NDST2: variants seen among roughly 807,000 people sequenced by gnomAD.
NDST2 encodes the protein N-deacetylase and N-sulfotransferase 2.
NDST2 carries 32 observed loss-of-function variants against 86.9 expected under a neutral mutation model. The observed-to-expected ratio is 0.37, with a 90% CI of 0.28 to 0.49. NDST2 has a LOEUF of 0.49. NDST2 is among the 20% of genes least tolerant of loss of function. The pLI is 0.97. For missense variants in NDST2, 950 were observed against 1,146.9 expected (o/e 0.83, Z 2.48); for synonymous variants, 409 against 437.0 (o/e 0.94, Z 0.80).
chr10:73,807,414 T>A lies in NDST2; in HGVS notation c.975A>T (p.Glu325Asp). The change falls in exon 3 of 15, where the codon GAA becomes GAT. Residue 325 changes from glutamate to aspartate, a missense_variant. Glu to Asp is a conservative substitution (Grantham distance 45). Around this residue, in one of 5 missense-constraint regions of NDST2, gnomAD observed 586 missense variants for 714.0 expected, o/e 0.82. Transcript: ENST00000309979. ...VDIDDIFVGK[E>D]GTRMKVADVE... is the part of the protein sequence containing the mutation. ...CATCAGCCACCTTCATGCGGGTCCC[T>A]TCCTTGCCCACAAAGATGTCATCGA... 6.2e-7 allele frequency: 1 copy of A among 1,614,214 alleles called. No homozygotes were observed. The highest frequency in any genetic ancestry group is 8.5e-7 in the Non-Finnish European group (1 of 1,180,034).
Position 73,803,556 on chromosome 10 carries a change from C to T in NDST2, c.2142+18G>A. 7.8e-7 allele frequency: 1 copy of T among 1,282,698 alleles called. No individual in the cohort carries two copies. The highest frequency in any genetic ancestry group is 1.1e-6 in the Non-Finnish European group (1 of 943,018). 79.5% of individuals were successfully genotyped at this position (1,282,698 alleles called of 1,614,324 possible). On this transcript the variant is annotated intron_variant, in intron 11 of 14. Transcript: ENST00000309979. ...TCCCCCCAACCTTTAGCCTGTGTGT[C>T]CCTAGCTTCAGGCAGACCTGGTACC...
At chr10:73,811,075 G>C (rs2084218356) in intron 1 of NDST2, among the ~76,000 whole-genome samples, 172 bp from the exon 2 acceptor site, 1 of 152,020 alleles carries the variant, frequency 6.6e-6, no homozygotes, top group African/African-American at 2.4e-5. Flanking sequence ...GGCCGGGACG[G>C]CCGGAGCAGC....
Position 73,807,786 on chromosome 10 carries a change from TTGG to T in NDST2, c.600_602del (p.Tyr200_Gln201delinsTer). 2 of 1,614,166 alleles carry T rather than the reference TTGG, an allele frequency of 1.2e-6. No homozygotes were observed. The highest frequency in any genetic ancestry group is 1.7e-6 in the Non-Finnish European group (2 of 1,180,022). ...GCAGTAGCGGGGCAGAAGGATTCAC[TTGG>T]TAGTCCCGGAGCCCCAAGTTTGAGT... On this transcript the variant is annotated stop_gained and inframe_deletion, in exon 3 of 15. Coordinates refer to ENST00000309979, the MANE Select transcript of NDST2 (RefSeq NM_003635.4). LOFTEE classifies it high-confidence loss of function.
At chr10:73,807,283 G>C in intron 3 of NDST2, 88 bp from the exon 4 acceptor site, 1 of 1,564,654 alleles carries the variant, frequency 6.4e-7, no homozygotes, top group Non-Finnish European at 8.8e-7. Flanking sequence ...GCCTGGAAAG[G>C]CAGGGAGTGT....
In NDST2 at chr10:73,803,220, T is replaced by C. The variant is rs1271402696; in HGVS notation, c.2282A>G (p.Gln761Arg). The change falls in exon 12 of 15, where the codon CAA becomes CGA. Residue 761 changes from glutamine (Q) to arginine (R), a missense_variant. Physicochemically the swap from Gln to Arg is conservative, Grantham distance 43. Around this residue, in one of 5 missense-constraint regions of NDST2, gnomAD observed 303 missense variants for 323.7 expected, o/e 0.94. Transcript: ENST00000309979. ...AGAGGGGTAGTAAGTCAGCCAGCGTTGTAGATGGGTAGAATAGTAGCCAGG... is the reference window on the plus strand; with the variant it reads ...AGAGGGGTAGTAAGTCAGCCAGCGTCGTAGATGGGTAGAATAGTAGCCAGG... ...LVPGYYSTHL[Q>R]RWLTYYPSGQ... 3 of 1,614,068 alleles carry C rather than the reference T, an allele frequency of 1.9e-6. No homozygotes were observed. Among genetic ancestry groups the C allele is most frequent in the Admixed American group, 3.3e-5 (2 of 60,008 alleles).
In NDST2 at chr10:73,806,872, G is replaced by C; in HGVS notation, c.1094-61C>G. On this transcript the variant is annotated intron_variant, in intron 4 of 14. Coordinates refer to ENST00000309979, the MANE Select transcript of NDST2 (RefSeq NM_003635.4). This position sits in a 1 kb window ranked among gnomAD's most constrained non-coding sequence, Gnocchi z 4.5. The stretch of plus-strand genomic sequence containing the variant: ...CAGCCCCTGTTCCCTCCTTTATTTT[G>C]TAACAACACTGACCACCTTCCATCC... 6.3e-7 allele frequency: 1 copy of C among 1,590,986 alleles called. No homozygotes were observed. The highest frequency in any genetic ancestry group is 8.6e-7 in the Non-Finnish European group (1 of 1,164,274).
chr10:73,804,421 A>T (rs2084062754), intron 9 of NDST2, among the ~76,000 whole-genome samples: 1 of 152,096 alleles, frequency 6.6e-6, no homozygotes, highest in South Asian at 2.1e-4. Flanking sequence ...CAGGCGGATC[A>T]CTTGAGGTCA....
At position 73,806,938 on chromosome 10, in the gene NDST2, C is replaced by G. The variant is rs1243418743; in HGVS notation, c.1094-127G>C. On this transcript the variant is annotated intron_variant, in intron 4 of 14. Coordinates refer to ENST00000309979, the MANE Select transcript of NDST2 (RefSeq NM_003635.4). This position sits in a 1 kb window ranked among gnomAD's most constrained non-coding sequence, Gnocchi z 4.5. ...GACTTTCTATTTGCCCCACTGCCAA[C>G]TTGCCATCCAGCCACCCATGCGAAC... The G allele has an allele frequency of 2.0e-6, 3 of 1,522,434 alleles. No individual in the cohort carries two copies. The African/African-American group carries it at 4.1e-5, about 21-fold the overall frequency. The allele number at this position is 1,522,434 out of a possible 1,614,324, so 94.3% of individuals were successfully genotyped here. A position where few individuals can be genotyped will look rare whatever the true frequency, so the allele number is the denominator to read the frequency against.
Position 73,807,614 on chromosome 10 carries a change from G to A in NDST2, c.775C>T (p.Arg259Trp), listed in dbSNP as rs553139353. 4.3e-5 allele frequency: 70 copies of A among 1,614,232 alleles called. No homozygotes were observed. Among genetic ancestry groups the A allele is most frequent in the African/African-American group, 9.3e-5 (7 of 75,062 alleles). Residue 259 changes from arginine (R) to tryptophan (W), a missense_variant, in exon 3 of 15, where the codon CGG (arginine) becomes TGG (tryptophan). Around this residue, in one of 5 missense-constraint regions of NDST2, gnomAD observed 586 missense variants for 714.0 expected, o/e 0.82. Coordinates refer to ENST00000309979, the MANE Select transcript of NDST2 (RefSeq NM_003635.4). ...TGTACCACAGTGGGAAGCCGGGCCCGACGAAGAACTGGTCCTGGCACTGCG... is the reference window on the plus strand; with the variant it reads ...TGTACCACAGTGGGAAGCCGGGCCCAACGAAGAACTGGTCCTGGCACTGCG... The part of the protein sequence containing the change: ...EPAVPGPVLR[R>W]ARLPTVVQDL...
In NDST2 at chr10:73,802,449, C is replaced by T; in HGVS notation, c.*2G>A. The T allele has an allele frequency of 6.2e-7, 1 of 1,612,526 alleles. No individual in the cohort carries two copies. On this transcript the variant is annotated 3_prime_UTR_variant, in exon 15 of 15. Transcript: ENST00000309979. ...ATTTTGCTGGTATGGGAGGCTGGGACATCAGCCCAGACTGGAATGCTGCAG... is the reference window on the plus strand; with the variant it reads ...ATTTTGCTGGTATGGGAGGCTGGGATATCAGCCCAGACTGGAATGCTGCAG...
chr10:73,809,278 A>G (rs1249799380), intron 2 of NDST2, among the ~76,000 whole-genome samples: 1 of 152,238 alleles, frequency 6.6e-6, no homozygotes, highest in African/African-American at 2.4e-5. Context: ...GGTGGACACT[A>G]TGGTGGGGGA....
Position 73,804,959 on chromosome 10 carries a change from T to C in NDST2, c.1747-90A>G, listed in dbSNP as rs542226711. ...TCTTGTTGCCCAGGCTGGAGTGCAATGCATGATCTCGGCTCACTGCAACCT... is the reference window on the plus strand; with the variant it reads ...TCTTGTTGCCCAGGCTGGAGTGCAACGCATGATCTCGGCTCACTGCAACCT... On this transcript the variant is annotated intron_variant, in intron 8 of 14. Transcript: ENST00000309979. 6.2e-5 allele frequency: 43 copies of C among 688,126 alleles called. No homozygotes were observed. The East Asian group carries it at 9.8e-4, about 16-fold the overall frequency. The allele number at this position is 688,126 out of a possible 1,614,324, so 42.6% of individuals were successfully genotyped here.
At position 73,806,972 on chromosome 10, in the gene NDST2, A is replaced by G. The variant is rs772825221; in HGVS notation, c.1093+136T>C. ...CAGCCACCCATGCGAACCTAAATTCATGCCCACCACTAGCTCCTCACAGCA... is the reference window on the plus strand; with the variant it reads ...CAGCCACCCATGCGAACCTAAATTCGTGCCCACCACTAGCTCCTCACAGCA... On this transcript the variant is annotated intron_variant, in intron 4 of 14. Transcript: ENST00000309979. The surrounding 1 kb of genome is among the most constrained non-coding windows in gnomAD (Gnocchi z 4.5). 1.4e-6 allele frequency: 2 copies of G among 1,420,302 alleles called. No homozygotes were observed. The highest frequency in any genetic ancestry group is 1.8e-5 in the Admixed American group (1 of 56,428). The allele number at this position is 1,420,302 out of a possible 1,614,324, so 88.0% of individuals were successfully genotyped here. A position where few individuals can be genotyped will look rare whatever the true frequency, so the allele number is the denominator to read the frequency against.
chr10:73,803,153 G>A, intron 12 of NDST2, 36 bp downstream of exon 12: 1 of 1,613,798 alleles, frequency 6.2e-7, no homozygotes. Flanking sequence ...AAGAGGGGAA[G>A]GGGAACCCCA....
intron 14 of NDST2, 44 bp downstream of exon 14, chr10:73,802,630 T>C: frequency 1.2e-6 from 2 of 1,614,126 alleles, no homozygotes; most frequent in South Asian, 1.1e-5. Flanking sequence ...CAGAATCAGA[T>C]CCTGGAAGTG....
intron 1 of NDST2, among the ~76,000 whole-genome samples, chr10:73,811,110 G>A (rs12775558): frequency 0.46 from 69,487 of 151,796 alleles, 17,931 homozygotes; most frequent in Middle Eastern, 0.63. Flanking sequence ...GGGCGCCGAG[G>A]GGGCCCGGGG....
Position 73,808,452 on chromosome 10 carries a change from T to A in NDST2, c.-64A>T. ...CAGGGGATGGGAGGTAGGAGTTCTATAGGCTAGGACTGTCTTGGAAGGGTA... is the reference window on the plus strand; with the variant it reads ...CAGGGGATGGGAGGTAGGAGTTCTAAAGGCTAGGACTGTCTTGGAAGGGTA... On this transcript the variant is annotated 5_prime_UTR_variant, in exon 3 of 15. Coordinates refer to ENST00000309979, the MANE Select transcript of NDST2 (RefSeq NM_003635.4). The surrounding 1 kb of genome is among the most constrained non-coding windows in gnomAD (Gnocchi z 4.3). 1 of 1,455,998 alleles carries A rather than the reference T, an allele frequency of 6.9e-7. No homozygotes were observed. 90.2% of individuals were successfully genotyped at this position (1,455,998 alleles called of 1,614,324 possible).
rs555519672 is a variant in NDST2 at position 73,805,937 on chromosome 10, C to T, written c.1526G>A (p.Arg509Gln). ...GGSRELDRSIRGGELFLTVLL... is the reference protein window; with the variant it reads ...GGSRELDRSIQGGELFLTVLL... ...CACTGTCAGAAAGAGCTCTCCACCT[C>T]GGATGCTCCGGTCTAGTTCACGAGA... The change falls in exon 7 of 15, where the codon CGA becomes CAA. Residue 509 changes from arginine to glutamine, a missense_variant. By Grantham distance (43) the Arg-to-Gln change is conservative. Coordinates refer to ENST00000309979, the MANE Select transcript of NDST2 (RefSeq NM_003635.4). The T allele has an allele frequency of 3.1e-5, 50 of 1,614,200 alleles. No individual in the cohort carries two copies. The South Asian group carries it at 3.8e-4, about 12-fold the overall frequency.
At chr10:73,803,518 GTCCCCTC>G in intron 11 of NDST2, 49 bp downstream of exon 11, 1 of 1,211,550 alleles carries the variant, frequency 8.3e-7, no homozygotes, top group Non-Finnish European at 1.2e-6. Flanking sequence ...AGCAGTCACT[GTCCCCTC>G]CCCCCTCCCC....
Sources: gnomAD v4.1 joint callset for allele counts (sites outside exome capture counted in the v4.1 genomes callset) on GRCh38, gnomAD v4.1.1 for gene constraint, gnomAD v4.1.1 regional missense constraint, Gnocchi (gnomAD v3.1) non-coding constraint, MANE v1.5 for transcripts, NCBI Gene and HGNC (gene_info 2026-07-23, HGNC 2026-07-21) for gene names.